Variants in TMX2 observed in about 807,000 individuals in gnomAD.
TMX2 encodes the protein thioredoxin related transmembrane protein 2, also known as thioredoxin-related transmembrane protein 2.
TMX2 carries 20 observed loss-of-function variants against 33.4 expected under a neutral mutation model. The observed-to-expected ratio is 0.60, with a 90% confidence interval of 0.42 to 0.87. TMX2 has a LOEUF of 0.87. Among genes scored for constraint, TMX2 ranks in the 40% least tolerant of loss-of-function variants. The pLI is 0.00. For missense variants in TMX2, 340 were observed against 370.7 expected (o/e 0.92, Z 0.68); for synonymous variants, 166 against 140.7 (o/e 1.18, Z -1.27).
intron 1 of TMX2, 49 bp from the exon 2 acceptor site, chr11:57,737,559 T>G: frequency 6.6e-7 from 1 of 1,518,602 alleles, no homozygotes; most frequent in Non-Finnish European, 9.1e-7. Flanking sequence ...CCCACCTAAG[T>G]TAGCTCTAGT....
At chr11:57,735,600 G>A (rs1455397449) in intron 1 of TMX2, among the ~76,000 whole-genome samples, 2 of 152,342 alleles carry the variant, frequency 1.3e-5, no homozygotes, top group East Asian at 3.9e-4. Flanking sequence ...GCTAAAAACA[G>A]ACACTTGGAG....
rs757766329 is a variant in TMX2, at chr11:57,712,677, G to T, written c.59G>T (p.Trp20Leu). 1 of 1,614,178 alleles carries T rather than the reference G, an allele frequency of 6.2e-7. No homozygotes were observed. The part of the protein sequence containing the change: ...LVYSVPRLSR[W>L]LAQPYYLLSA... ...TATTCGGTGCCGCGACTTTCACGAT[G>T]GCTCGCCCAACCTTACTACCTTCTG... Residue 20 changes from tryptophan (W) to leucine (L), a missense_variant, in exon 1 of 8, where the codon TGG becomes TTG. By Grantham distance (61) the Trp-to-Leu change is moderately conservative. This residue lies in a region of TMX2 where 106 missense variants were observed against 82.7 expected (regional missense o/e 1.28). Coordinates refer to ENST00000278422, the MANE Select transcript of TMX2 (RefSeq NM_015959.4).
intron 1 of TMX2, among the ~76,000 whole-genome samples, chr11:57,733,974 T>TCCTGGCTGAAATAATAGAAA (rs1948569872): frequency 1.3e-5 from 2 of 151,624 alleles, no homozygotes; most frequent in Admixed American, 1.3e-4. Flanking sequence ...ATCGAGACCA[T>TCCTGGCTGAAATAATAGAAA]CCTGGCTGAA....
chr11:57,724,883 C>T (rs1047944387), intron 1 of TMX2, among the ~76,000 whole-genome samples: 23 of 151,650 alleles, frequency 1.5e-4, no homozygotes, highest in African/African-American at 5.3e-4. Flanking sequence ...ACTAAAAATA[C>T]AAAAATTAGC....
At chr11:57,729,071 A>G (rs1948184655) in intron 1 of TMX2, among the ~76,000 whole-genome samples, 1 of 151,480 alleles carries the variant, frequency 6.6e-6, no homozygotes, top group African/African-American at 2.4e-5. Flanking sequence ...AATCCACCAC[A>G]CATCAATCCA....
In TMX2 at chr11:57,740,544, TC is replaced by T. The variant is rs1260978868; in HGVS notation, c.*300del. ...TAACTGCTTATCAGCTATTCAGACA[TC>T]TCCATGGTTTCTCCATGAAACTCTG... On this transcript the variant is annotated 3_prime_UTR_variant, in exon 8 of 8. Coordinates refer to ENST00000278422, the MANE Select transcript of TMX2 (RefSeq NM_015959.4). 7.8e-6 allele frequency: 2 copies of T among 256,990 alleles called. No individual in the cohort carries two copies. Among genetic ancestry groups the T allele is most frequent in the Non-Finnish European group, 1.5e-5 (2 of 133,656 alleles). The allele number at this position is 256,990 out of a possible 1,614,324, so 15.9% of individuals were successfully genotyped here. A position where few individuals can be genotyped will look rare whatever the true frequency, so the allele number is the denominator to read the frequency against.
intron 1 of TMX2, chr11:57,717,955 G>C: frequency 2.9e-6 from 2 of 701,102 alleles, no homozygotes; most frequent in Non-Finnish European, 5.1e-6. Flanking sequence ...AGGATACTGC[G>C]AGCAAATGGG....
At chr11:57,722,194 G>T (rs1411909025) in intron 1 of TMX2, among the ~76,000 whole-genome samples, 1 of 152,046 alleles carries the variant, frequency 6.6e-6, no homozygotes, top group Non-Finnish European at 1.5e-5. Context: ...TGGAGAGGAG[G>T]TCTCACTGTG....
intron 1 of TMX2, among the ~76,000 whole-genome samples, chr11:57,723,637 T>TA (rs1192153060): frequency 6.7e-6 from 1 of 149,984 alleles, no homozygotes; most frequent in Admixed American, 6.7e-5. Flanking sequence ...CCTGTCCTAC[T>TA]AAAAAAAATA....
intron 1 of TMX2, among the ~76,000 whole-genome samples, chr11:57,715,897 GGGTAAGGTCACCGATCAACAGGA>G (rs1946962625): frequency 6.6e-6 from 1 of 151,916 alleles, no homozygotes; most frequent in Admixed American, 6.6e-5. Context: ...ACAGGGTTGG[GGGTAAGGTCACCGATCAACAGGA>G]TCCCAAGGCA....
intron 1 of TMX2, among the ~76,000 whole-genome samples, chr11:57,715,805 A>T (rs1946953667): frequency 6.6e-6 from 1 of 151,308 alleles, no homozygotes; most frequent in African/African-American, 2.4e-5. Context: ...TGCTGCCTTC[A>T]AGCATCTGTT....
chr11:57,733,417 GCTGA>G (rs994543900), intron 1 of TMX2, among the ~76,000 whole-genome samples: 10 of 151,832 alleles, frequency 6.6e-5, no homozygotes. Context: ...ATCACGCCTG[GCTGA>G]CTTTTTGTGT....
chr11:57,739,180 C>T lies in TMX2; in HGVS notation c.664C>T (p.Leu222=). 1 of 1,614,102 alleles carries T rather than the reference C, an allele frequency of 6.2e-7. No individual in the cohort carries two copies. The highest frequency in any genetic ancestry group is 8.5e-7 in the Non-Finnish European group (1 of 1,180,028). Reference sequence around the variant, plus strand: ...CACCAAGCAACTCCCTACCCTGATCCTGTTCCAAGGTGGCAAGGAGGCAAT... The same window carrying T: ...CACCAAGCAACTCCCTACCCTGATCTTGTTCCAAGGTGGCAAGGAGGCAAT... The part of the protein sequence containing the change: ...PLTKQLPTLI[L]FQGGKEAMRR... The change falls in exon 7 of 8, where the codon CTG becomes TTG. Residue 222 remains leucine, a synonymous_variant. Transcript: ENST00000278422.
Position 57,740,180 on chromosome 11 carries a change from G to T in TMX2, c.826G>T (p.Glu276Ter), listed in dbSNP as rs1286654782. ...ATCAAAGGCTGGAGACAATATCCCT[G>T]AGGAGCAGCCTGTGGCTTCAACCCC... ...KLSKAGDNIP[E>*]EQPVASTPTT... The change falls in exon 8 of 8, where the codon GAG becomes TAG. Residue 276 changes from glutamate (E) to a stop codon, truncating the protein, a stop_gained. Coordinates refer to ENST00000278422, the MANE Select transcript of TMX2 (RefSeq NM_015959.4). LOFTEE classifies it high-confidence loss of function. The T allele has an allele frequency of 3.1e-6, 5 of 1,613,848 alleles. No individual in the cohort carries two copies. Among genetic ancestry groups the T allele is most frequent in the Middle Eastern group, 3.3e-4 (2 of 6,080 alleles).
At chr11:57,716,843 ACCCC>A (rs567846185) in intron 1 of TMX2, among the ~76,000 whole-genome samples, 7 of 95,464 alleles carry the variant, frequency 7.3e-5, no homozygotes, top group Admixed American at 2.1e-4. Flanking sequence ...CGGGGGGCTG[ACCCC>A]CCCCACCTCC....
At chr11:57,724,629 C>CT (rs1947855951) in intron 1 of TMX2, among the ~76,000 whole-genome samples, 1 of 150,710 alleles carries the variant, frequency 6.6e-6, no homozygotes, top group South Asian at 2.1e-4. Context: ...AAAAAAAAGG[C>CT]TTCCTGGGAC....
intron 1 of TMX2, among the ~76,000 whole-genome samples, chr11:57,719,524 T>C (rs1445510811): frequency 1.5e-5 from 2 of 136,746 alleles, no homozygotes; most frequent in African/African-American, 5.4e-5. Flanking sequence ...CTTTTTTTTT[T>C]TTTTTTTTTT....
At chr11:57,717,959 A>G in intron 1 of TMX2, 9 of 707,726 alleles carry the variant, frequency 1.3e-5, no homozygotes, top group Non-Finnish European at 2.3e-5. Flanking sequence ...TACTGCGAGC[A>G]AATGGGGTAG....
chr11:57,726,899 C>G (rs997240968), intron 1 of TMX2, among the ~76,000 whole-genome samples: 1 of 152,128 alleles, frequency 6.6e-6, no homozygotes, highest in South Asian at 2.1e-4. Flanking sequence ...GTTCAAATAA[C>G]CCTTATTAAG....
Sources: allele counts gnomAD v4.1 joint callset (sites outside exome capture counted in the v4.1 genomes callset), GRCh38; gene constraint gnomAD v4.1.1; regional missense constraint gnomAD v4.1.1; transcripts MANE v1.5; gene names NCBI Gene and HGNC (gene_info 2026-07-23, HGNC 2026-07-21).